Variants in MPND observed in about 807,000 individuals in gnomAD.
MPND encodes MPN domain-containing protein.
A neutral mutation model predicts 59.2 loss-of-function variants in MPND; 56 were observed. The observed-to-expected ratio is 0.95, with a 90% confidence interval of 0.76 to 1.18. The LOEUF (loss-of-function observed/expected upper bound fraction) is 1.18. Ranked by LOEUF, MPND falls within the 50% of genes most tolerant of loss-of-function variation. The probability of loss-of-function intolerance (pLI) is 0.00; values close to 1 mark genes in which losing one functional copy is unlikely to be tolerated. For missense variants in MPND, 671 were observed against 676.0 expected (o/e 0.99, Z 0.08); for synonymous variants, 323 against 291.9 (o/e 1.11, Z -1.09).
intron 3 of MPND, chr19:4,347,889 TTTTTTTTG>T (rs1249627030): frequency 1.7e-5 from 3 of 177,706 alleles, no homozygotes; most frequent in Admixed American, 6.4e-5. Flanking sequence ...CATATTGTGT[TTTTTTTTG>T]TTTTTTTTTT....
At chr19:4,353,468 A>G (rs967624058) in intron 4 of MPND, among the ~76,000 whole-genome samples, 5 of 152,086 alleles carry the variant, frequency 3.3e-5, no homozygotes, top group East Asian at 1.9e-4. Flanking sequence ...GAGTTTCACA[A>G]TGTTGTCCAG....
intron 3 of MPND, among the ~76,000 whole-genome samples, chr19:4,346,390 C>G (rs1330802893): frequency 6.6e-6 from 1 of 152,082 alleles, no homozygotes; most frequent in African/African-American, 2.4e-5. Context: ...GCCGGGTGAA[C>G]TTGACCAAGG....
At chr19:4,353,652 C>A (rs1468404925) in intron 4 of MPND, among the ~76,000 whole-genome samples, 1 of 152,118 alleles carries the variant, frequency 6.6e-6, no homozygotes, top group Non-Finnish European at 1.5e-5. Context: ...GCCTCAACCT[C>A]CTGGGTTCAA....
At chr19:4,351,655 G>C (rs11666770) in intron 3 of MPND, among the ~76,000 whole-genome samples, 32,688 of 151,210 alleles carry the variant, frequency 0.22, 3,925 homozygotes, top group African/African-American at 0.33. Context: ...AAGGTCAGAC[G>C]ATCGAGACCA....
chr19:4,347,773 CA>C, intron 3 of MPND: 64 of 534,900 alleles, frequency 1.2e-4, no homozygotes, highest in South Asian at 3.2e-4. Flanking sequence ...GACGCAGTGG[CA>C]AAAAAACCCT....
intron 3 of MPND, among the ~76,000 whole-genome samples, chr19:4,346,965 G>C (rs1972199898): frequency 6.6e-6 from 1 of 152,054 alleles, no homozygotes; most frequent in South Asian, 2.1e-4. Flanking sequence ...GCAAGGCGGA[G>C]GTTGCAGTGA....
chr19:4,359,073 A>C lies in MPND; in HGVS notation c.1327-90A>C. 3 of 834,368 alleles carry C rather than the reference A, an allele frequency of 3.6e-6. No individual in the cohort carries two copies. The South Asian group carries it at 4.2e-5, about 12-fold the overall frequency. 51.7% of individuals were successfully genotyped at this position (834,368 alleles called of 1,614,324 possible). Reference sequence around the variant, plus strand: ...TTTGTTAGTGATGGGGTCATGTCTCAGGGCTGCCTGAGACTGGAACCCCAG... The same window carrying C: ...TTTGTTAGTGATGGGGTCATGTCTCCGGGCTGCCTGAGACTGGAACCCCAG... On this transcript the variant is annotated intron_variant, in intron 11 of 12. Coordinates refer to ENST00000599840, the MANE Select transcript of MPND (RefSeq NM_001300862.2).
Position 4,343,598 on chromosome 19 carries a change from C to G in MPND, c.5C>G (p.Ala2Gly), listed in dbSNP as rs1286134317. Residue 2 changes from alanine to glycine, a missense_variant and splice_region_variant, in exon 1 of 13, where the codon GCA becomes GGA. Physicochemically the swap from Ala to Gly is moderately conservative, Grantham distance 60. Transcript: ENST00000599840. ...CGGGCGCGGGGAGGCGCGGCCATGG[C>G]AGGTACGGCGGGCCCAGCGGGGCGG... M[A>G]APEPLSPAGG... 1.2e-5 allele frequency: 15 copies of G among 1,213,362 alleles called. No individual in the cohort carries two copies. The highest frequency in any genetic ancestry group is 1.5e-5 in the Non-Finnish European group (15 of 975,394). The allele number at this position is 1,213,362 out of a possible 1,614,324, so 75.2% of individuals were successfully genotyped here. A position where few individuals can be genotyped will look rare whatever the true frequency, so the allele number is the denominator to read the frequency against.
chr19:4,346,695 G>C (rs965152785), intron 3 of MPND, among the ~76,000 whole-genome samples: 1 of 151,198 alleles, frequency 6.6e-6, no homozygotes, highest in Non-Finnish European at 1.5e-5. Flanking sequence ...GGGATTGCGG[G>C]CGTGAGCTAC....
At chr19:4,345,040 CT>C (rs773615575) in intron 2 of MPND, among the ~76,000 whole-genome samples, 1,572 of 66,464 alleles carry the variant, frequency 0.024, 1 homozygote, top group Middle Eastern at 0.062. Flanking sequence ...CATGCCCGGC[CT>C]TTTTTTTTTT....
rs1478830637 is a variant in MPND, at chr19:4,354,416, T to A, written c.842T>A (p.Leu281Gln). The part of the protein sequence containing the change: ...NVAVSSNVLF[L>Q]LDFHSHLTRS... ...GCTGTTTCTAGCAACGTGCTGTTCCTGCTGGTGTGTGGCCCACCCTGTCTA... is the reference window on the plus strand; with the variant it reads ...GCTGTTTCTAGCAACGTGCTGTTCCAGCTGGTGTGTGGCCCACCCTGTCTA... Residue 281 changes from leucine to glutamine, a missense_variant, in exon 6 of 13, where the codon CTG becomes CAG. Leu to Gln is a moderately radical substitution (Grantham distance 113, BLOSUM62 -2). Coordinates refer to ENST00000599840, the MANE Select transcript of MPND (RefSeq NM_001300862.2). The A allele has an allele frequency of 1.3e-6, 2 of 1,554,948 alleles. No individual in the cohort carries two copies.
intron 11 of MPND, 125 bp from the exon 12 acceptor site, chr19:4,359,038 T>C (rs1972513026): frequency 3.2e-6 from 2 of 618,388 alleles, no homozygotes; most frequent in Non-Finnish European, 5.9e-6. Flanking sequence ...CGTGATCTCT[T>C]TGTGGTTGGT....
At chr19:4,352,230 T>C (rs766672803) in intron 3 of MPND, among the ~76,000 whole-genome samples, 2 of 152,122 alleles carry the variant, frequency 1.3e-5, no homozygotes, top group Non-Finnish European at 1.5e-5. Context: ...AACCCATTTA[T>C]GCCTGAGGTT....
At chr19:4,359,835 TG>T in intron 12 of MPND, 80 bp from the exon 13 acceptor site, 1 of 1,167,206 alleles carries the variant, frequency 8.6e-7, no homozygotes, top group South Asian at 1.5e-5. Context: ...GTCAGGATGC[TG>T]GACTTGCACG....
Position 4,358,186 on chromosome 19 carries a change from G to A in MPND, c.1326+14G>A, listed in dbSNP as rs763257637. The A allele has an allele frequency of 1.1e-5, 17 of 1,549,272 alleles. No individual in the cohort carries two copies. The highest frequency in any genetic ancestry group is 9.8e-5 in the East Asian group (4 of 40,922). ...CTTCACGAGATGGTGAGCTCGCTGC[G>A]GGGCGGGCAGGCAGGGGCTGGCAGT... On this transcript the variant is annotated intron_variant, in intron 11 of 12. Transcript: ENST00000599840.
intron 12 of MPND, 104 bp from the exon 13 acceptor site, chr19:4,359,812 T>C (rs555214605): frequency 2.3e-6 from 2 of 883,250 alleles, no homozygotes; most frequent in East Asian, 5.5e-5. Flanking sequence ...TGCCTCGGTC[T>C]CAGGGGGGCT....
rs11882587 is a variant in MPND, at chr19:4,352,962, A to G, written c.597A>G (p.Ala199=). Residue 199 remains alanine, a synonymous_variant, in exon 4 of 13, where the codon GCA becomes GCG. Transcript: ENST00000599840. Reference sequence around the variant, plus strand: ...AAGAGGAGGAGGAGGACGTTCTGGCAGGGGTCTCAGCAGAGGACAAGAGTC... The same window carrying G: ...AAGAGGAGGAGGAGGACGTTCTGGCGGGGGTCTCAGCAGAGGACAAGAGTC... ...LMEEEEEDVL[A]GVSAEDKSRR... 0.55 allele frequency: 770,743 copies of G among 1,394,336 alleles called. 215,690 individuals carry two copies. The highest frequency in any genetic ancestry group is 0.74 in the East Asian group (26,902 of 36,546). The allele number at this position is 1,394,336 out of a possible 1,614,324, so 86.4% of individuals were successfully genotyped here.
intron 3 of MPND, among the ~76,000 whole-genome samples, chr19:4,349,915 C>G (rs1042663201): frequency 1.3e-5 from 2 of 152,218 alleles, no homozygotes; most frequent in Non-Finnish European, 2.9e-5. Flanking sequence ...ATTAAATTAC[C>G]AGGCACTCTT....
intron 2 of MPND, among the ~76,000 whole-genome samples, chr19:4,345,278 C>G (rs946839107): frequency 5.3e-5 from 8 of 151,836 alleles, no homozygotes; most frequent in African/African-American, 1.7e-4. Flanking sequence ...AACTCCTGAC[C>G]TCAGGTGATC....
Sources: gnomAD v4.1 joint callset for allele counts (sites outside exome capture counted in the v4.1 genomes callset) on GRCh38, gnomAD v4.1.1 for gene constraint, MANE v1.5 for transcripts, NCBI Gene and HGNC (gene_info 2026-07-23, HGNC 2026-07-21) for gene names.